C8orf34: variants seen among roughly 807,000 people sequenced by gnomAD.
C8orf34 encodes uncharacterized protein C8orf34.
In C8orf34, 65 loss-of-function variants were observed where a neutral mutation model predicts 68.3. That is an observed-to-expected ratio of 0.95 (90% CI 0.78 to 1.17). The LOEUF is 1.17. Ranked by LOEUF, C8orf34 falls within the 50% of genes most tolerant of loss-of-function variation. C8orf34 has a pLI of 0.00. For synonymous variants in C8orf34, 244 were observed against 241.2 expected, an observed-to-expected ratio of 1.01 and a Z score of -0.11; for missense variants, 664 against 655.4, an observed-to-expected ratio of 1.01 and a Z score of -0.14.
chr8:68,814,983 T>C (rs551913197), intron 12 of C8orf34, among the ~76,000 whole-genome samples: 2 of 152,298 alleles, frequency 1.3e-5, no homozygotes, highest in African/African-American at 2.4e-5. Context: ...AAATCAGATA[T>C]AGTATGATGT....
In C8orf34 at chr8:68,446,328, G is replaced by C. The variant is rs779740426; in HGVS notation, c.476-1G>C. 1 of 1,583,380 alleles carries C rather than the reference G, an allele frequency of 6.3e-7. No individual in the cohort carries two copies. Among genetic ancestry groups the C allele is most frequent in the South Asian group, 1.2e-5 (1 of 85,046 alleles). ...ATTTTATATATATTTTGTTTTAACA[G>C]AATCCAAAGGAACAAGAAGGGATTT... On this transcript the variant is annotated splice_acceptor_variant, in intron 2 of 13. Coordinates refer to ENST00000518698, the MANE Select transcript of C8orf34 (RefSeq NM_052958.4). LOFTEE classifies it high-confidence loss of function.
rs1288474478 is a variant in C8orf34 at position 68,496,499 on chromosome 8, G to A, written c.765+8448G>A. Among the ~76,000 whole-genome samples the A allele has an allele frequency of 2.0e-5, 3 of 152,260 alleles. No individual in the cohort carries two copies. The East Asian group carries it at 5.8e-4, about 29-fold the overall frequency. On this transcript the variant is annotated intron_variant, in intron 5 of 13. Transcript: ENST00000518698. Reference sequence around the variant, plus strand: ...TAATCTTGCCTTTCTAAAAAGTTAGGAAGCTCAAGGAGGGCCTATTTTAAG... The same window carrying A: ...TAATCTTGCCTTTCTAAAAAGTTAGAAAGCTCAAGGAGGGCCTATTTTAAG...
intron 7 of C8orf34, among the ~76,000 whole-genome samples, chr8:68,564,368 T>A (rs1586380519): frequency 1.3e-5 from 2 of 152,196 alleles, no homozygotes; most frequent in African/African-American, 4.8e-5. Context: ...TGAGAGGAAT[T>A]TTCTAGTCAG....
intron 1 of C8orf34, among the ~76,000 whole-genome samples, chr8:68,377,035 C>T (rs935628395): frequency 4.0e-5 from 6 of 151,888 alleles, no homozygotes; most frequent in South Asian, 2.1e-4. Context: ...TTTAAAATGT[C>T]GGCAGTAAGT....
chr8:68,806,821 C>G (rs1235973952), intron 12 of C8orf34, among the ~76,000 whole-genome samples: 1 of 152,192 alleles, frequency 6.6e-6, no homozygotes, highest in Non-Finnish European at 1.5e-5. Flanking sequence ...CCTTAGTGGT[C>G]TAAAACAATA....
chr8:68,337,964 C>T (rs1805920119), intron 1 of C8orf34, among the ~76,000 whole-genome samples: 1 of 152,154 alleles, frequency 6.6e-6, no homozygotes, highest in African/African-American at 2.4e-5. Flanking sequence ...CCTTTGTGTA[C>T]AGAATTTCTT....
chr8:68,669,786 C>G (rs1425567013), intron 8 of C8orf34, among the ~76,000 whole-genome samples: 1 of 152,134 alleles, frequency 6.6e-6, no homozygotes, highest in Non-Finnish European at 1.5e-5. Flanking sequence ...GGAAGAGCTA[C>G]AAACAGAAAA....
At chr8:68,543,015 G>A (rs2129957014) in intron 7 of C8orf34, among the ~76,000 whole-genome samples, 1 of 152,162 alleles carries the variant, frequency 6.6e-6, no homozygotes, top group Non-Finnish European at 1.5e-5. Context: ...AGCAGTTTAA[G>A]TAATTTTTCC....
At chr8:68,776,840 G>A (rs1823534240) in intron 11 of C8orf34, among the ~76,000 whole-genome samples, 1 of 152,170 alleles carries the variant, frequency 6.6e-6, no homozygotes, top group African/African-American at 2.4e-5. Flanking sequence ...TTCATTCATG[G>A]GACAAATGGT....
At chr8:68,475,077 T>C (rs1255306161) in intron 4 of C8orf34, among the ~76,000 whole-genome samples, 1 of 152,194 alleles carries the variant, frequency 6.6e-6, no homozygotes, top group Non-Finnish European at 1.5e-5. Context: ...ACTTTCTTTA[T>C]GCACCGCACT....
intron 4 of C8orf34, among the ~76,000 whole-genome samples, chr8:68,479,358 T>G (rs1353984262): frequency 6.6e-6 from 1 of 151,914 alleles, no homozygotes; most frequent in East Asian, 1.9e-4. Context: ...TTGGTCTGAT[T>G]TCCTTTAGTT....
intron 7 of C8orf34, among the ~76,000 whole-genome samples, chr8:68,629,062 A>G (rs1818616741): frequency 2.0e-5 from 3 of 152,192 alleles, no homozygotes; most frequent in South Asian, 2.1e-4. Flanking sequence ...TCTCTTCTTT[A>G]TAAGTTCTTA....
intron 10 of C8orf34, among the ~76,000 whole-genome samples, chr8:68,726,539 A>C (rs1033136448): frequency 5.9e-5 from 9 of 152,186 alleles, no homozygotes; most frequent in Admixed American, 2.0e-4. Flanking sequence ...GTGTCTGCTG[A>C]GCTAGATTGG....
At chr8:68,534,007 A>C (rs1322286654) in intron 7 of C8orf34, 2 of 945,118 alleles carry the variant, frequency 2.1e-6, no homozygotes, top group East Asian at 1.2e-4. Context: ...CACGTTTTAC[A>C]TATAGAATAT....
At chr8:68,462,976 C>T (rs1055949545) in intron 3 of C8orf34, among the ~76,000 whole-genome samples, 6 of 152,136 alleles carry the variant, frequency 3.9e-5, no homozygotes, top group Middle Eastern at 3.4e-3. Context: ...ACACAGAAAA[C>T]CCTTCAAAAA....
At chr8:68,707,474 T>C (rs1821199720) in intron 8 of C8orf34, among the ~76,000 whole-genome samples, 1 of 152,176 alleles carries the variant, frequency 6.6e-6, no homozygotes, top group Admixed American at 6.6e-5. Flanking sequence ...AAAACAAAAG[T>C]TTTATTGATG....
intron 8 of C8orf34, among the ~76,000 whole-genome samples, chr8:68,644,941 G>C (rs1819121146): frequency 6.6e-6 from 1 of 152,192 alleles, no homozygotes; most frequent in Non-Finnish European, 1.5e-5. Context: ...AGAATTCATA[G>C]AGCAAAACCA....
At chr8:68,541,422 C>T (rs1051579246) in intron 7 of C8orf34, among the ~76,000 whole-genome samples, 1 of 151,482 alleles carries the variant, frequency 6.6e-6, no homozygotes, top group Non-Finnish European at 1.5e-5. Context: ...GCTATGATGG[C>T]ACCGCTGCAC....
intron 8 of C8orf34, among the ~76,000 whole-genome samples, chr8:68,703,998 C>A (rs201609303): frequency 6.6e-6 from 1 of 152,224 alleles, no homozygotes; most frequent in South Asian, 2.1e-4. Context: ...AGGGCTGGGC[C>A]ATATTTTCTT....
Sources: allele counts gnomAD v4.1 joint callset (sites outside exome capture counted in the v4.1 genomes callset), GRCh38; gene constraint gnomAD v4.1.1; transcripts MANE v1.5; gene names NCBI Gene and HGNC (gene_info 2026-07-23, HGNC 2026-07-21).